Variants in PARD3 observed in about 807,000 individuals in gnomAD.
PARD3 encodes the protein par-3 family cell polarity regulator.
In PARD3, 75 loss-of-function variants were observed where a neutral mutation model predicts 155.4. The observed-to-expected ratio is 0.48, with a 90% CI of 0.40 to 0.58. The LOEUF is 0.58. Ranked by LOEUF, PARD3 falls within the 20% of genes least tolerant of loss-of-function variation. PARD3 has a pLI of 0.00. For missense variants in PARD3, 1,642 were observed against 1,721.7 expected (o/e 0.95, Z 0.82); for synonymous variants, 576 against 610.5 (o/e 0.94, Z 0.83).
At chr10:34,419,544 G>GTGCAAAGAAACATTATT (rs1198873585) in intron 5 of PARD3, among the ~76,000 whole-genome samples, 1 of 152,006 alleles carries the variant, frequency 6.6e-6, no homozygotes, top group African/African-American at 2.4e-5. Context: ...AAGAAGTAAT[G>GTGCAAAGAAACATTATT]TGCAAAGAAA....
At chr10:34,676,993 AATTAC>A in intron 2 of PARD3, among the ~76,000 whole-genome samples, 1 of 152,302 alleles carries the variant, frequency 6.6e-6, no homozygotes, top group Non-Finnish European at 1.5e-5. Flanking sequence ...TCTTTACTCA[AATTAC>A]ATTAATTTGA....
At chr10:34,261,825 G>GAAAGAAAGAAAC (rs1238097146) in intron 22 of PARD3, among the ~76,000 whole-genome samples, 181 of 138,982 alleles carry the variant, frequency 1.3e-3, no homozygotes, top group East Asian at 0.011. Context: ...AAGAAAGAAA[G>GAAAGAAAGAAAC]AAACAAACAA....
intron 22 of PARD3, among the ~76,000 whole-genome samples, chr10:34,245,389 G>A (rs980280004): frequency 6.6e-5 from 10 of 152,116 alleles, no homozygotes; most frequent in Admixed American, 2.0e-4. Context: ...TCCCTAGAAT[G>A]AGAATGCCAC....
chr10:34,660,620 G>T (rs1471705953), intron 2 of PARD3, among the ~76,000 whole-genome samples: 1 of 152,048 alleles, frequency 6.6e-6, no homozygotes, highest in Non-Finnish European at 1.5e-5. Flanking sequence ...TCAGAATAAA[G>T]TGTATCTGTC....
At chr10:34,145,677 C>T (rs565313104) in intron 22 of PARD3, among the ~76,000 whole-genome samples, 1 of 152,242 alleles carries the variant, frequency 6.6e-6, no homozygotes, top group South Asian at 2.1e-4. Context: ...ATTTCTATTT[C>T]ACAGAATTAC....
intron 5 of PARD3, among the ~76,000 whole-genome samples, chr10:34,440,123 T>C (rs945712725): frequency 1.3e-5 from 2 of 152,072 alleles, no homozygotes; most frequent in Non-Finnish European, 2.9e-5. Context: ...TGGATAGAAA[T>C]AGATTAAATA....
chr10:34,809,036 T>G (rs1172676722), intron 1 of PARD3, among the ~76,000 whole-genome samples: 1 of 152,182 alleles, frequency 6.6e-6, no homozygotes, highest in Non-Finnish European at 1.5e-5. Context: ...CTGCTTGAGC[T>G]GAAAAACAAA....
intron 1 of PARD3, among the ~76,000 whole-genome samples, chr10:34,724,597 TAGTG>T (rs2094666846): frequency 6.6e-6 from 1 of 152,248 alleles, no homozygotes; most frequent in Non-Finnish European, 1.5e-5. Context: ...GGAAATACTA[TAGTG>T]AATATATATA....
intron 2 of PARD3, among the ~76,000 whole-genome samples, chr10:34,554,977 G>A (rs1251563236): frequency 6.6e-6 from 1 of 152,214 alleles, no homozygotes; most frequent in Admixed American, 6.5e-5. Context: ...AGGGGATGGA[G>A]GGATGAATGC....
chr10:34,187,077 T>C (rs1950522550), intron 22 of PARD3, among the ~76,000 whole-genome samples: 1 of 152,160 alleles, frequency 6.6e-6, no homozygotes, highest in African/African-American at 2.4e-5. Context: ...CTGTGAACAA[T>C]GAGTGGTGTT....
intron 21 of PARD3, among the ~76,000 whole-genome samples, chr10:34,275,671 A>G (rs1181259327): frequency 2.0e-5 from 3 of 152,216 alleles, no homozygotes; most frequent in Admixed American, 2.0e-4. Flanking sequence ...GGAGATACAT[A>G]TTTCAGTAAG....
At chr10:34,362,541 G>C (rs1839550117) in intron 12 of PARD3, among the ~76,000 whole-genome samples, 1 of 152,072 alleles carries the variant, frequency 6.6e-6, no homozygotes, top group African/African-American at 2.4e-5. Context: ...GTCACCCAAG[G>C]TGGAATGCGG....
At chr10:34,458,960 G>A (rs1331124468) in intron 4 of PARD3, among the ~76,000 whole-genome samples, 2 of 152,200 alleles carry the variant, frequency 1.3e-5, no homozygotes, top group African/African-American at 2.4e-5. Flanking sequence ...AGAAGGGTGA[G>A]TGTGTGAAAG....
At chr10:34,571,833 C>T (rs1302305393) in intron 2 of PARD3, among the ~76,000 whole-genome samples, 1 of 152,148 alleles carries the variant, frequency 6.6e-6, no homozygotes, top group African/African-American at 2.4e-5. Flanking sequence ...TTTGATGTTG[C>T]ACCGCTTTCA....
intron 22 of PARD3, among the ~76,000 whole-genome samples, chr10:34,197,204 G>C (rs1018493471): frequency 6.6e-6 from 1 of 152,144 alleles, no homozygotes; most frequent in Non-Finnish European, 1.5e-5. Context: ...CTATCACAGT[G>C]ACCAAATACC....
chr10:34,809,239 CAT>C (rs1247473223), intron 1 of PARD3, among the ~76,000 whole-genome samples: 4 of 152,170 alleles, frequency 2.6e-5, no homozygotes, highest in African/African-American at 4.8e-5. Context: ...AGCAGTGTAA[CAT>C]GTTGATTCTC....
intron 22 of PARD3, among the ~76,000 whole-genome samples, chr10:34,233,936 A>G (rs1734564867): frequency 6.6e-6 from 1 of 152,062 alleles, no homozygotes; most frequent in Non-Finnish European, 1.5e-5. Flanking sequence ...TGCAGTTATT[A>G]TCTCCAGTTA....
chr10:34,778,103 T>G (rs970265822), intron 1 of PARD3, among the ~76,000 whole-genome samples: 12 of 152,216 alleles, frequency 7.9e-5, no homozygotes, highest in Non-Finnish European at 2.9e-5. Flanking sequence ...CTCCCTGACA[T>G]GAAATGGCGC....
chr10:34,427,978 T>C (rs1201060245), intron 5 of PARD3, among the ~76,000 whole-genome samples: 1 of 152,108 alleles, frequency 6.6e-6, no homozygotes, highest in Admixed American at 6.6e-5. Context: ...GAATATGTGA[T>C]GGCAATGGGC....
Sources: allele counts gnomAD v4.1 joint callset (sites outside exome capture counted in the v4.1 genomes callset), GRCh38; gene constraint gnomAD v4.1.1; transcripts MANE v1.5; gene names NCBI Gene and HGNC (gene_info 2026-07-23, HGNC 2026-07-21).